Variants in ALK observed in about 807,000 individuals in gnomAD.
The protein encoded by ALK is ALK receptor tyrosine kinase.
ALK carries 74 observed loss-of-function variants against 163.1 expected under a neutral mutation model. That is an observed-to-expected ratio of 0.45 (90% CI 0.38 to 0.55). The LOEUF is 0.55. Among genes scored for constraint, ALK ranks in the 20% least tolerant of loss-of-function variants. The pLI is 0.00. For missense variants in ALK, 2,063 were observed against 2,105.3 expected (o/e 0.98, Z 0.39); for synonymous variants, 960 against 843.2 (o/e 1.14, Z -2.40).
chr2:29,853,585 C>T (rs1008552018), intron 1 of ALK, among the ~76,000 whole-genome samples: 18 of 152,222 alleles, frequency 1.2e-4, no homozygotes, highest in African/African-American at 4.3e-4. Context: ...TGCCTCCCAC[C>T]TCTGCTCTCC....
At chr2:29,673,811 C>G (rs1338365096) in intron 3 of ALK, among the ~76,000 whole-genome samples, 1 of 151,446 alleles carries the variant, frequency 6.6e-6, no homozygotes. Flanking sequence ...TACCCAAGAG[C>G]ATGGAATGTT....
chr2:29,835,088 A>T (rs1201023152), intron 1 of ALK, among the ~76,000 whole-genome samples: 1 of 152,212 alleles, frequency 6.6e-6, no homozygotes, highest in Admixed American at 6.5e-5. Flanking sequence ...CAAAGAAACA[A>T]GCAATTTTGA....
intron 4 of ALK, among the ~76,000 whole-genome samples, chr2:29,386,795 T>C (rs1669041992): frequency 6.6e-6 from 1 of 152,264 alleles, no homozygotes; most frequent in Non-Finnish European, 1.5e-5. Flanking sequence ...ATGTATTTTA[T>C]ATCCAGGGAA....
At chr2:29,656,906 C>G (rs1163420169) in intron 3 of ALK, among the ~76,000 whole-genome samples, 2 of 152,290 alleles carry the variant, frequency 1.3e-5, no homozygotes, top group Admixed American at 6.5e-5. Context: ...GAACAAAACT[C>G]AGAACCTTTT....
intron 8 of ALK, among the ~76,000 whole-genome samples, chr2:29,317,315 C>T (rs1449997426): frequency 6.6e-6 from 1 of 152,212 alleles, no homozygotes; most frequent in African/African-American, 2.4e-5. Context: ...GATGACTGGC[C>T]AAACCCAAAC....
intron 9 of ALK, among the ~76,000 whole-genome samples, chr2:29,278,672 T>A (rs941832855): frequency 2.6e-5 from 4 of 152,214 alleles, no homozygotes; most frequent in Non-Finnish European, 5.9e-5. Flanking sequence ...TTAAAGCAGG[T>A]GCAACCCTTA....
chr2:29,671,316 G>C (rs1043064174), intron 3 of ALK, among the ~76,000 whole-genome samples: 4 of 152,118 alleles, frequency 2.6e-5, no homozygotes, highest in Non-Finnish European at 4.4e-5. Flanking sequence ...CTGGCTAGCA[G>C]TTTGTGCCCA....
intron 3 of ALK, among the ~76,000 whole-genome samples, chr2:29,658,336 G>T (rs1310467623): frequency 6.6e-6 from 1 of 152,062 alleles, no homozygotes; most frequent in Non-Finnish European, 1.5e-5. Context: ...ACCTCTCTGG[G>T]CTTCTCTTAC....
chr2:29,379,621 G>C (rs779356358), intron 5 of ALK, among the ~76,000 whole-genome samples: 8 of 152,116 alleles, frequency 5.3e-5, no homozygotes, highest in Non-Finnish European at 1.0e-4. Flanking sequence ...TGAGTAAGGT[G>C]GTCCAGTATA....
chr2:29,708,251 T>C (rs1373536249), intron 2 of ALK, among the ~76,000 whole-genome samples: 1 of 152,146 alleles, frequency 6.6e-6, no homozygotes, highest in Non-Finnish European at 1.5e-5. Flanking sequence ...GTAGTTTTAA[T>C]AGAGATGGGG....
At chr2:29,775,348 C>T (rs1409341984) in intron 1 of ALK, among the ~76,000 whole-genome samples, 2 of 152,152 alleles carry the variant, frequency 1.3e-5, no homozygotes, top group African/African-American at 4.8e-5. Context: ...GCTAACAAAA[C>T]ACCTGACAGT....
chr2:29,872,369 C>T (rs934527291), intron 1 of ALK, among the ~76,000 whole-genome samples: 4 of 152,172 alleles, frequency 2.6e-5, no homozygotes, highest in South Asian at 2.1e-4. Flanking sequence ...TAGATACAGA[C>T]GTTCCTCAGC....
chr2:29,593,324 A>G (rs558746088), intron 3 of ALK, among the ~76,000 whole-genome samples: 5 of 152,328 alleles, frequency 3.3e-5, no homozygotes, highest in Non-Finnish European at 5.9e-5. Context: ...AGGCTCGACC[A>G]TTGCCTATGG....
chr2:29,505,367 A>G (rs1672291379), intron 4 of ALK, among the ~76,000 whole-genome samples: 1 of 152,148 alleles, frequency 6.6e-6, no homozygotes, highest in African/African-American at 2.4e-5. Flanking sequence ...AGATGATTGA[A>G]CTATCTTTGG....
intron 4 of ALK, among the ~76,000 whole-genome samples, chr2:29,477,961 T>A (rs1671567754): frequency 6.6e-6 from 1 of 152,126 alleles, no homozygotes; most frequent in Non-Finnish European, 1.5e-5. Context: ...CACGTTGATT[T>A]TAAGCAAAAA....
chr2:29,629,795 AG>A (rs888376662), intron 3 of ALK, among the ~76,000 whole-genome samples: 2 of 152,192 alleles, frequency 1.3e-5, no homozygotes, highest in African/African-American at 2.4e-5. Flanking sequence ...CTCATTTTAC[AG>A]GTCAAAGCAG....
At chr2:29,571,052 A>G (rs1257923914) in intron 3 of ALK, among the ~76,000 whole-genome samples, 1 of 152,176 alleles carries the variant, frequency 6.6e-6, no homozygotes, top group East Asian at 1.9e-4. Flanking sequence ...GACATAAAGA[A>G]ACATAGGAAG....
At chr2:29,361,511 G>A (rs1186051123) in intron 5 of ALK, among the ~76,000 whole-genome samples, 20 of 152,326 alleles carry the variant, frequency 1.3e-4, no homozygotes, top group East Asian at 1.9e-4. Flanking sequence ...CAGGCAATGC[G>A]TTATAGTGGG....
intron 3 of ALK, among the ~76,000 whole-genome samples, chr2:29,614,549 C>T (rs1675788095): frequency 1.3e-5 from 2 of 152,218 alleles, no homozygotes; most frequent in Non-Finnish European, 2.9e-5. Context: ...GACAAGAATT[C>T]TGTCTGTGAC....
Sources: gnomAD v4.1 joint callset for allele counts (sites outside exome capture counted in the v4.1 genomes callset) on GRCh38, gnomAD v4.1.1 for gene constraint, MANE v1.5 for transcripts, NCBI Gene and HGNC (gene_info 2026-07-23, HGNC 2026-07-21) for gene names.